Variants in KCNMA1 observed in about 807,000 individuals in gnomAD.
The protein encoded by KCNMA1 is potassium calcium-activated channel subfamily M alpha 1.
KCNMA1 carries 29 observed loss-of-function variants against 140.0 expected under a neutral mutation model. The ratio of observed to expected loss-of-function variants is 0.21; its 90% CI spans 0.15 to 0.28. KCNMA1 has a LOEUF of 0.28. Ranked by LOEUF, KCNMA1 falls within the 10% of genes least tolerant of loss-of-function variation. The pLI, the probability that KCNMA1 is intolerant of heterozygous loss-of-function variation, is 1.00. For missense variants in KCNMA1, 880 were observed against 1,602.2 expected, an observed-to-expected ratio of 0.55 and a Z score of 7.70; for synonymous variants, 612 against 611.9, an observed-to-expected ratio of 1.00 and a Z score of 0.00.
intron 23 of KCNMA1, among the ~76,000 whole-genome samples, chr10:76,920,473 G>A (rs1027889955): frequency 5.9e-5 from 9 of 152,144 alleles, no homozygotes; most frequent in African/African-American, 2.2e-4. Context: ...AGATCTCAGA[G>A]TGGAACCCAG....
At chr10:76,930,153 G>A (rs2058896158) in intron 23 of KCNMA1, 1 of 152,134 alleles carries the variant, frequency 6.6e-6, no homozygotes, top group African/African-American at 2.4e-5. Context: ...CTAAAAATCT[G>A]CACAGCAAAG....
chr10:77,212,033 T>C (rs1448769177), intron 3 of KCNMA1, among the ~76,000 whole-genome samples: 2 of 152,162 alleles, frequency 1.3e-5, no homozygotes, highest in African/African-American at 4.8e-5. Flanking sequence ...TGGAAAGCAG[T>C]TTGGAAATTT....
chr10:77,093,524 C>G (rs1450625480), intron 9 of KCNMA1, among the ~76,000 whole-genome samples: 1 of 152,206 alleles, frequency 6.6e-6, no homozygotes, highest in Non-Finnish European at 1.5e-5. Context: ...GAAGCTGCCT[C>G]TAACTCAGCA....
In KCNMA1 at chr10:77,086,530, A is replaced by C. The variant is rs1316620416; in HGVS notation, c.1398T>G (p.Tyr466Ter). The C allele has an allele frequency of 6.2e-7, 1 of 1,613,982 alleles. No individual in the cohort carries two copies. Among genetic ancestry groups the C allele is most frequent in the Non-Finnish European group, 8.5e-7 (1 of 1,179,952 alleles). ...CATGTGGATTGAGGACGGAACCCTG[A>C]TAAAATTCCACCTGAGTAAAATGTC... is the stretch of plus-strand genomic sequence containing the variant. ...FKRHFTQVEF[Y>*]QGSVLNPHDL... is the part of the protein sequence containing the mutation. The change falls in exon 11 of 28, where the codon TAT becomes TAG. Residue 466 changes from tyrosine (Y) to a stop codon, truncating the protein, a stop_gained. Coordinates refer to ENST00000286628, the MANE Select transcript of KCNMA1 (RefSeq NM_001161352.2). LOFTEE classifies it high-confidence loss of function.
At chr10:76,915,230 C>G (rs762992889) in intron 23 of KCNMA1, among the ~76,000 whole-genome samples, 181 bp from the exon 24 acceptor site, 1 of 152,124 alleles carries the variant, frequency 6.6e-6, no homozygotes, top group African/African-American at 2.4e-5. Flanking sequence ...GGGTAGGAAA[C>G]CATTATAAAT....
rs2084351337 is a variant in KCNMA1, at chr10:77,326,707, G to A, written c.541-75451C>T. The stretch of plus-strand genomic sequence containing the variant: ...CTTTACTGACCATATTAATGCTATT[G>A]ATAATATTTTCATGTTATTGGTATT... On this transcript the variant is annotated intron_variant, in intron 2 of 27. Transcript: ENST00000286628. Among the ~76,000 whole-genome samples, 5 of 152,230 alleles carry A rather than the reference G, an allele frequency of 3.3e-5. No individual in the cohort carries two copies. The South Asian group carries it at 1.0e-3, about 32-fold the overall frequency.
intron 1 of KCNMA1, among the ~76,000 whole-genome samples, chr10:77,584,368 T>C (rs1263918100): frequency 6.6e-6 from 1 of 152,212 alleles, no homozygotes. Flanking sequence ...TTTTTGTTTT[T>C]GTTTTGAGAC....
intron 5 of KCNMA1, among the ~76,000 whole-genome samples, chr10:77,159,655 ACCTG>A (rs1299763700): frequency 6.6e-6 from 1 of 151,922 alleles, no homozygotes; most frequent in African/African-American, 2.4e-5. Context: ...CCTCAGTTTG[ACCTG>A]CCTATTCCCC....
intron 2 of KCNMA1, among the ~76,000 whole-genome samples, chr10:77,397,722 C>T (rs995878031): frequency 7.9e-5 from 12 of 152,282 alleles, no homozygotes; most frequent in South Asian, 2.1e-4. Context: ...ATCCAAATAG[C>T]GTGCATTGCA....
chr10:77,481,724 G>A (rs1434456888), intron 1 of KCNMA1, among the ~76,000 whole-genome samples: 3 of 149,934 alleles, frequency 2.0e-5, no homozygotes, highest in Admixed American at 6.6e-5. Flanking sequence ...GCAGTGAGCC[G>A]AGATCGCACC....
At chr10:77,597,043 A>T (rs1163559907) in intron 1 of KCNMA1, among the ~76,000 whole-genome samples, 2 of 152,192 alleles carry the variant, frequency 1.3e-5, no homozygotes, top group Non-Finnish European at 2.9e-5. Context: ...TTAATATTCT[A>T]TATAGACATA....
At chr10:77,175,109 C>T (rs1278367454) in intron 5 of KCNMA1, among the ~76,000 whole-genome samples, 1 of 152,076 alleles carries the variant, frequency 6.6e-6, no homozygotes, top group Non-Finnish European at 1.5e-5. Context: ...GTTTCTGATC[C>T]CTGGGTCTCG....
At chr10:77,294,813 G>A (rs115842103) in intron 2 of KCNMA1, among the ~76,000 whole-genome samples, 2,709 of 152,066 alleles carry the variant, frequency 0.018, 82 homozygotes, top group African/African-American at 0.062. Context: ...CCTCTACTTG[G>A]GAGGCTGAAG....
At chr10:77,449,617 C>G (rs770634923) in intron 1 of KCNMA1, among the ~76,000 whole-genome samples, 15 of 149,148 alleles carry the variant, frequency 1.0e-4, no homozygotes, top group Admixed American at 2.0e-4. Flanking sequence ...TTTCATTTCA[C>G]TTTTTCAATT....
At chr10:77,093,721 C>T (rs898727287) in intron 9 of KCNMA1, among the ~76,000 whole-genome samples, 2 of 152,158 alleles carry the variant, frequency 1.3e-5, no homozygotes, top group Non-Finnish European at 2.9e-5. Context: ...TTTATTGCAT[C>T]CTCAATTATT....
intron 1 of KCNMA1, among the ~76,000 whole-genome samples, chr10:77,409,684 G>A (rs1487943888): frequency 6.6e-6 from 1 of 152,202 alleles, no homozygotes; most frequent in Admixed American, 6.5e-5. Context: ...GCACAGGAGA[G>A]CAAGCTTGTG....
intron 13 of KCNMA1, among the ~76,000 whole-genome samples, chr10:77,079,084 A>G (rs911678346): frequency 1.1e-4 from 16 of 152,202 alleles, no homozygotes; most frequent in African/African-American, 3.9e-4. Flanking sequence ...CATCCTGACC[A>G]ACATGCAGAA....
downstream of KCNMA1, among the ~76,000 whole-genome samples, chr10:76,882,062 C>A (rs1466710664): frequency 6.6e-6 from 1 of 152,146 alleles, no homozygotes; most frequent in Non-Finnish European, 1.5e-5. Flanking sequence ...CTGCAGGTCA[C>A]CCTGGAGGAA....
intron 23 of KCNMA1, chr10:76,939,050 C>G (rs1276460504): frequency 6.6e-6 from 1 of 150,426 alleles, no homozygotes; most frequent in Non-Finnish European, 1.5e-5. Flanking sequence ...AAATTTAATT[C>G]CTAAATTTCA....
Sources: allele counts gnomAD v4.1 joint callset (sites outside exome capture counted in the v4.1 genomes callset), GRCh38; gene constraint gnomAD v4.1.1; transcripts MANE v1.5; gene names NCBI Gene and HGNC (gene_info 2026-07-23, HGNC 2026-07-21).